The following BEND5 variants were observed in gnomAD, a reference collection of about 807,000 sequenced individuals.
The protein encoded by BEND5 is BEN domain-containing protein 5.
Under a neutral mutation model 43.9 loss-of-function variants are expected in BEND5, and 22 were observed. The ratio of observed to expected loss-of-function variants is 0.50; its 90% confidence interval spans 0.36 to 0.72. The LOEUF (loss-of-function observed/expected upper bound fraction) is 0.72. BEND5 is among the 30% of genes least tolerant of loss of function. The probability of loss-of-function intolerance (pLI) is 0.00; values close to 1 mark genes in which losing one functional copy is unlikely to be tolerated. For synonymous variants in BEND5, 228 were observed against 225.9 expected (o/e 1.01, Z -0.08); for missense variants, 428 against 550.6 (o/e 0.78, Z 2.23).
chr1:48,776,756 G>C lies in BEND5; in HGVS notation c.76C>G (p.Pro26Ala), dbSNP rs1645111652. Residue 26 changes from proline (P) to alanine (A), a missense_variant, in exon 1 of 6, where the codon CCC becomes GCC. By Grantham distance (27) the Pro-to-Ala change is conservative. Transcript: ENST00000371833. ...TTGTCAAAATCCAGCCGCGAGCGGG[G>C]GCTGAAGTCGCGCACGCACGACACG... ...LPVSCVRDFS[P>A]RSRLDFDNQK... 2 of 1,527,640 alleles carry C rather than the reference G, an allele frequency of 1.3e-6. No individual in the cohort carries two copies. The highest frequency in any genetic ancestry group is 1.8e-6 in the Non-Finnish European group (2 of 1,137,852). The allele number at this position is 1,527,640 out of a possible 1,614,324, so 94.6% of individuals were successfully genotyped here. A position where few individuals can be genotyped will look rare whatever the true frequency, so the allele number is the denominator to read the frequency against.
chr1:48,769,806 A>G (rs1259178959), intron 1 of BEND5, among the ~76,000 whole-genome samples: 1 of 152,180 alleles, frequency 6.6e-6, no homozygotes, highest in Non-Finnish European at 1.5e-5. Flanking sequence ...CATGCTATAG[A>G]TGAGCACCTG....
chr1:48,740,811 T>C (rs1259877323), intron 4 of BEND5, among the ~76,000 whole-genome samples: 1 of 152,216 alleles, frequency 6.6e-6, no homozygotes, highest in Non-Finnish European at 1.5e-5. Flanking sequence ...TTCTGGGATG[T>C]GGAGATGCTG....
chr1:48,770,745 C>A (rs1644779389), intron 1 of BEND5, among the ~76,000 whole-genome samples: 1 of 152,210 alleles, frequency 6.6e-6, no homozygotes, highest in African/African-American at 2.4e-5. Context: ...CTCCTCGAGA[C>A]AGGGAGGCCC....
intron 1 of BEND5, among the ~76,000 whole-genome samples, chr1:48,773,619 G>GTT (rs1446513743): frequency 6.6e-6 from 1 of 152,192 alleles, no homozygotes; most frequent in Non-Finnish European, 1.5e-5. Flanking sequence ...TTCATGGACA[G>GTT]TTTTTCCATT....
intron 3 of BEND5, among the ~76,000 whole-genome samples, chr1:48,751,646 C>CA (rs1162301647): frequency 2.6e-5 from 4 of 151,736 alleles, no homozygotes; most frequent in Non-Finnish European, 4.4e-5. Context: ...CTGGCAAATC[C>CA]AAAAAAAACA....
intron 3 of BEND5, among the ~76,000 whole-genome samples, chr1:48,753,421 C>T (rs1652060241): frequency 6.6e-6 from 1 of 152,224 alleles, no homozygotes; most frequent in Non-Finnish European, 1.5e-5. Context: ...CAGCAAGAAG[C>T]ATTTGGCTGA....
At chr1:48,770,794 G>T (rs1317928923) in intron 1 of BEND5, among the ~76,000 whole-genome samples, 2 of 152,138 alleles carry the variant, frequency 1.3e-5, no homozygotes, top group Non-Finnish European at 2.9e-5. Flanking sequence ...ATTACAACCA[G>T]TCAGTTACTA....
At position 48,736,269 on chromosome 1, in the gene BEND5, G is replaced by C; in HGVS notation, c.1078C>G (p.Leu360Val). The C allele has an allele frequency of 1.2e-6, 2 of 1,614,198 alleles. No individual in the cohort carries two copies. Among genetic ancestry groups the C allele is most frequent in the Non-Finnish European group, 8.5e-7 (1 of 1,180,010 alleles). Residue 360 changes from leucine (L) to valine (V), a missense_variant, in exon 5 of 6, where the codon CTC becomes GTC. Coordinates refer to ENST00000371833, the MANE Select transcript of BEND5 (RefSeq NM_024603.4). The surrounding 1 kb of genome is among the most constrained non-coding windows in gnomAD (Gnocchi z 4.0). ...KKKDAVPKPPLSPHKLSIVRE... is the reference protein window; with the variant it reads ...KKKDAVPKPPVSPHKLSIVRE... ...ACGATGCTTAGTTTGTGAGGCGAGAGGGGTGGTTTAGGGACTGCATCTTTC... is the reference window on the plus strand; with the variant it reads ...ACGATGCTTAGTTTGTGAGGCGAGACGGGTGGTTTAGGGACTGCATCTTTC...
At position 48,776,766 on chromosome 1, in the gene BEND5, G is replaced by T; in HGVS notation, c.66C>A (p.Arg22=). 1 of 1,525,410 alleles carries T rather than the reference G, an allele frequency of 6.6e-7. No individual in the cohort carries two copies. The highest frequency in any genetic ancestry group is 8.8e-7 in the Non-Finnish European group (1 of 1,136,868). The allele number at this position is 1,525,410 out of a possible 1,614,324, so 94.5% of individuals were successfully genotyped here. A position where few individuals can be genotyped will look rare whatever the true frequency, so the allele number is the denominator to read the frequency against. The part of the protein sequence containing the change: ...VCYALPVSCV[R]DFSPRSRLDF... Reference sequence around the variant, plus strand: ...CCAGCCGCGAGCGGGGGCTGAAGTCGCGCACGCACGACACGGGCAGCGCGT... The same window carrying T: ...CCAGCCGCGAGCGGGGGCTGAAGTCTCGCACGCACGACACGGGCAGCGCGT... The change falls in exon 1 of 6, where the codon CGC becomes CGA. Residue 22 remains arginine (R), a synonymous_variant. Coordinates refer to ENST00000371833, the MANE Select transcript of BEND5 (RefSeq NM_024603.4).
intron 5 of BEND5, among the ~76,000 whole-genome samples, chr1:48,733,005 G>A (rs889138994): frequency 1.3e-5 from 2 of 152,168 alleles, no homozygotes; most frequent in Admixed American, 6.5e-5. Context: ...TTAGAGACGA[G>A]GAAGTCACTG....
At chr1:48,769,946 G>A (rs1160543697) in intron 1 of BEND5, among the ~76,000 whole-genome samples, 1 of 152,180 alleles carries the variant, frequency 6.6e-6, no homozygotes, top group Non-Finnish European at 1.5e-5. Flanking sequence ...CTCTTCAGTA[G>A]TTAAGGAAAT....
At chr1:48,753,468 G>A (rs1357069615) in intron 3 of BEND5, among the ~76,000 whole-genome samples, 5 of 152,158 alleles carry the variant, frequency 3.3e-5, no homozygotes, top group Non-Finnish European at 7.4e-5. Context: ...TCAGAGACCT[G>A]GGCTTAAAGA....
intron 3 of BEND5, among the ~76,000 whole-genome samples, chr1:48,744,235 G>A (rs1486744280): frequency 6.6e-6 from 1 of 152,212 alleles, no homozygotes; most frequent in African/African-American, 2.4e-5. Context: ...CCCAGCACCT[G>A]GGGCTGAGTA....
At chr1:48,772,334 T>C (rs1358463393) in intron 1 of BEND5, among the ~76,000 whole-genome samples, 1 of 152,126 alleles carries the variant, frequency 6.6e-6, no homozygotes, top group Non-Finnish European at 1.5e-5. Flanking sequence ...CAAATGTACT[T>C]TGTCCACTCC....
intron 3 of BEND5, among the ~76,000 whole-genome samples, chr1:48,746,888 C>T (rs757092733): frequency 5.9e-5 from 9 of 152,108 alleles, no homozygotes; most frequent in African/African-American, 1.4e-4. Flanking sequence ...ATCAACAGAG[C>T]GCAATGTTTA....
intron 5 of BEND5, among the ~76,000 whole-genome samples, chr1:48,735,381 G>A (rs925700283): frequency 2.6e-5 from 4 of 151,936 alleles, no homozygotes; most frequent in African/African-American, 9.7e-5. Flanking sequence ...AAGAATGGAT[G>A]GATGGAGGGA....
At chr1:48,753,011 G>A (rs1403131334) in intron 3 of BEND5, among the ~76,000 whole-genome samples, 1 of 152,220 alleles carries the variant, frequency 6.6e-6, no homozygotes, top group Non-Finnish European at 1.5e-5. Flanking sequence ...GCCTCCCAAA[G>A]TGCTGGGATT....
At chr1:48,757,633 CA>C (rs1322276403) in intron 3 of BEND5, among the ~76,000 whole-genome samples, 2 of 152,144 alleles carry the variant, frequency 1.3e-5, no homozygotes, top group Non-Finnish European at 2.9e-5. Flanking sequence ...CTTCTTGGAC[CA>C]CCCAAAGATC....
At chr1:48,760,041 G>A (rs1287388729) in intron 2 of BEND5, among the ~76,000 whole-genome samples, 20 of 152,096 alleles carry the variant, frequency 1.3e-4, no homozygotes, top group Admixed American at 1.3e-3. Flanking sequence ...CTACACTTAG[G>A]GTCACATAGT....
Sources: gnomAD v4.1 joint callset for allele counts (sites outside exome capture counted in the v4.1 genomes callset) on GRCh38, gnomAD v4.1.1 for gene constraint, Gnocchi (gnomAD v3.1) non-coding constraint, MANE v1.5 for transcripts, NCBI Gene and HGNC (gene_info 2026-07-23, HGNC 2026-07-21) for gene names.